The following GRAMD1C variants were observed in gnomAD, a reference collection of about 807,000 sequenced individuals.
GRAMD1C encodes the protein GRAM domain containing 1C.
Under a neutral mutation model 97.8 loss-of-function variants are expected in GRAMD1C, and 89 were observed. That is an observed-to-expected ratio of 0.91 (90% CI 0.77 to 1.09). The LOEUF is 1.09. GRAMD1C is among the 50% of genes least tolerant of loss of function. The pLI is 0.00. For synonymous variants in GRAMD1C, 256 were observed against 267.0 expected (o/e 0.96, Z 0.40); for missense variants, 740 against 766.4 (o/e 0.97, Z 0.41).
At chr3:113,906,648 A>C (rs1323675961) in intron 8 of GRAMD1C, among the ~76,000 whole-genome samples, 1 of 144,990 alleles carries the variant, frequency 6.9e-6, no homozygotes, top group Non-Finnish European at 1.5e-5. Flanking sequence ...TTATTGAAAA[A>C]ACAATTTTTT....
chr3:113,851,372 T>C (rs1468415163), intron 2 of GRAMD1C, among the ~76,000 whole-genome samples: 1 of 152,184 alleles, frequency 6.6e-6, no homozygotes, highest in Non-Finnish European at 1.5e-5. Flanking sequence ...AATTGATTTT[T>C]TAAAATTTTT....
At chr3:113,841,325 G>A (rs1196403699) in intron 1 of GRAMD1C, among the ~76,000 whole-genome samples, 5 of 113,634 alleles carry the variant, frequency 4.4e-5, no homozygotes, top group East Asian at 2.7e-4. Flanking sequence ...TTGCTCTGTC[G>A]CCCAGGCTGG....
intron 10 of GRAMD1C, among the ~76,000 whole-genome samples, chr3:113,920,415 G>A (rs1936999229): frequency 1.3e-5 from 2 of 152,076 alleles, no homozygotes; most frequent in African/African-American, 4.8e-5. Flanking sequence ...TTGAAACACT[G>A]GAACTTTCTT....
intron 10 of GRAMD1C, among the ~76,000 whole-genome samples, chr3:113,918,917 C>T (rs929498595): frequency 6.6e-6 from 1 of 152,098 alleles, no homozygotes; most frequent in Admixed American, 6.6e-5. Context: ...GCTGGTCTTA[C>T]ACTCCTGGCC....
chr3:113,921,275 T>A (rs1937043549), intron 10 of GRAMD1C, among the ~76,000 whole-genome samples: 1 of 152,244 alleles, frequency 6.6e-6, no homozygotes, highest in African/African-American at 2.4e-5. Flanking sequence ...TATCCCATGG[T>A]GTATATGTAC....
At chr3:113,921,548 A>G (rs896928510) in intron 10 of GRAMD1C, among the ~76,000 whole-genome samples, 1 of 152,206 alleles carries the variant, frequency 6.6e-6, no homozygotes, top group Non-Finnish European at 1.5e-5. Flanking sequence ...TGCTTTCCAC[A>G]ATGGCTGAAC....
intron 6 of GRAMD1C, among the ~76,000 whole-genome samples, chr3:113,893,123 C>T (rs1453201046): frequency 6.6e-6 from 1 of 152,114 alleles, no homozygotes; most frequent in Non-Finnish European, 1.5e-5. Flanking sequence ...GTGACAGAGA[C>T]CATATGGCCC....
At chr3:113,837,778 C>G (rs1709662458), upstream of GRAMD1C, among the ~76,000 whole-genome samples, 1 of 152,092 alleles carries the variant, frequency 6.6e-6, no homozygotes, top group African/African-American at 2.4e-5. Flanking sequence ...CATGGTGGCA[C>G]ACGCCAGTAG....
At chr3:113,889,895 C>T (rs1375794018) in intron 6 of GRAMD1C, among the ~76,000 whole-genome samples, 1 of 152,154 alleles carries the variant, frequency 6.6e-6, no homozygotes, top group East Asian at 1.9e-4. Flanking sequence ...GCCTCGGCCT[C>T]CCAAAGTACT....
intron 2 of GRAMD1C, among the ~76,000 whole-genome samples, chr3:113,846,071 T>A (rs2712366): frequency 0.47 from 70,738 of 151,754 alleles, 16,688 homozygotes; most frequent in African/African-American, 0.51. Context: ...TTAGAAAAGG[T>A]TTATGACAAT....
intron 5 of GRAMD1C, 66 bp from the exon 6 acceptor site, chr3:113,882,686 T>C: frequency 1.1e-6 from 1 of 941,688 alleles, no homozygotes; most frequent in Non-Finnish European, 1.8e-6. Context: ...CGCATAGACT[T>C]TCATGACAGA....
intron 7 of GRAMD1C, among the ~76,000 whole-genome samples, chr3:113,903,067 C>T (rs1158673901): frequency 1.3e-5 from 2 of 151,588 alleles, no homozygotes; most frequent in East Asian, 1.9e-4. Flanking sequence ...CGGGTTCAAG[C>T]GAGTCTTCTG....
At chr3:113,911,856 TA>T (rs1330822782) in intron 9 of GRAMD1C, among the ~76,000 whole-genome samples, 3 of 152,022 alleles carry the variant, frequency 2.0e-5, no homozygotes. Flanking sequence ...GCCTTCCAAG[TA>T]GCTGGGACTA....
chr3:113,849,641 CAGA>C (rs1279414661), intron 2 of GRAMD1C, among the ~76,000 whole-genome samples: 1 of 152,134 alleles, frequency 6.6e-6, no homozygotes, highest in Non-Finnish European at 1.5e-5. Context: ...GATCCCAAGG[CAGA>C]AGAATTTTTC....
intron 2 of GRAMD1C, among the ~76,000 whole-genome samples, chr3:113,866,917 C>T (rs1934607672): frequency 6.6e-6 from 1 of 151,952 alleles, no homozygotes; most frequent in South Asian, 2.1e-4. Context: ...CAACCTCCGC[C>T]CTCCGAGTTC....
intron 2 of GRAMD1C, among the ~76,000 whole-genome samples, chr3:113,848,129 G>A (rs191197122): frequency 1.1e-3 from 160 of 152,296 alleles, no homozygotes; most frequent in African/African-American, 3.8e-3. Context: ...GAATTTAGAG[G>A]GCAGCATGAT....
chr3:113,863,412 C>A (rs1360198310), intron 2 of GRAMD1C, among the ~76,000 whole-genome samples: 1 of 151,996 alleles, frequency 6.6e-6, no homozygotes, highest in African/African-American at 2.4e-5. Flanking sequence ...ATGAAATTTC[C>A]AGAATTAGCA....
intron 6 of GRAMD1C, among the ~76,000 whole-genome samples, chr3:113,890,389 G>C (rs985743563): frequency 1.3e-5 from 2 of 152,192 alleles, no homozygotes; most frequent in Non-Finnish European, 2.9e-5. Flanking sequence ...ACGGGCAGCA[G>C]GTCCTGCAGT....
chr3:113,849,921 G>A (rs1284558649), intron 2 of GRAMD1C, among the ~76,000 whole-genome samples: 1 of 134,502 alleles, frequency 7.4e-6, no homozygotes, highest in African/African-American at 2.6e-5. Context: ...CAGGCGGGGG[G>A]GCTGACCCCC....
Sources: allele counts gnomAD v4.1 joint callset (sites outside exome capture counted in the v4.1 genomes callset), GRCh38; gene constraint gnomAD v4.1.1; transcripts MANE v1.5; gene names NCBI Gene and HGNC (gene_info 2026-07-23, HGNC 2026-07-21).